ATR: variants seen among roughly 807,000 people sequenced by gnomAD.
The protein encoded by ATR is ATR checkpoint kinase.
A neutral mutation model predicts 305.3 loss-of-function variants in ATR; 142 were observed. That is an observed-to-expected ratio of 0.47 (90% CI 0.41 to 0.53). The LOEUF (loss-of-function observed/expected upper bound fraction) is 0.53. Among genes scored for constraint, ATR ranks in the 20% least tolerant of loss-of-function variants. The pLI is 0.00. For missense variants in ATR, 2,135 were observed against 3,133.1 expected, an observed-to-expected ratio of 0.68 and a Z score of 7.60; for synonymous variants, 1,050 against 1,068.1, an observed-to-expected ratio of 0.98 and a Z score of 0.33.
chr3:142,515,662 G>T, intron 24 of ATR, 147 bp from the exon 25 acceptor site: 1 of 862,780 alleles, frequency 1.2e-6, no homozygotes. Flanking sequence ...CCTTCTTAGG[G>T]GTGAAGTAGG....
chr3:142,569,863 T>TCTCA (rs1415647084), intron 1 of ATR, among the ~76,000 whole-genome samples: 7 of 152,038 alleles, frequency 4.6e-5, no homozygotes, highest in Non-Finnish European at 7.4e-5. Context: ...GCCAGGATGG[T>TCTCA]CTCAATCTCC....
rs2071133204 is a variant in ATR at position 142,466,446 on chromosome 3, G to C, written c.6775C>G (p.Leu2259Val). Residue 2259 changes from leucine (L) to valine (V), a missense_variant, in exon 40 of 47, where the codon CTC becomes GTC. Leu to Val is a conservative substitution (Grantham distance 32). This residue lies in a region of ATR where 462 missense variants were observed against 887.6 expected (regional missense o/e 0.52). Transcript: ENST00000350721. ...LVEEATFSEI[L>V]IPLQSVMIPT... ...ATCATGACTGATTGTAGAGGAATGAGGATTTCACTAAATGTTGCTTCTTCT... is the reference window on the plus strand; with the variant it reads ...ATCATGACTGATTGTAGAGGAATGACGATTTCACTAAATGTTGCTTCTTCT... The C allele has an allele frequency of 1.9e-6, 3 of 1,613,616 alleles. No individual in the cohort carries two copies. In the Admixed American group the frequency reaches 5.0e-5, roughly 27 times the overall value.
chr3:142,549,046 G>A (rs947060755), intron 15 of ATR, among the ~76,000 whole-genome samples: 1 of 113,016 alleles, frequency 8.8e-6, no homozygotes, highest in African/African-American at 3.1e-5. Context: ...AAGAAGCACA[G>A]GTTATAATTT....
intron 21 of ATR, among the ~76,000 whole-genome samples, chr3:142,530,669 G>A (rs912340528): frequency 6.6e-6 from 1 of 152,030 alleles, no homozygotes; most frequent in African/African-American, 2.4e-5. Context: ...GTTCATCTCT[G>A]ATTTTGTACA....
chr3:142,451,737 G>T, intron 46 of ATR: 1 of 1,157,478 alleles, frequency 8.6e-7, no homozygotes, highest in Non-Finnish European at 1.1e-6. Context: ...GTGCCACTGA[G>T]CCCAGCTAAT....
intron 45 of ATR, among the ~76,000 whole-genome samples, chr3:142,456,810 T>C (rs907082381): frequency 1.3e-5 from 2 of 152,108 alleles, no homozygotes; most frequent in African/African-American, 2.4e-5. Context: ...TATCTAAAGA[T>C]AGAAAAGATG....
chr3:142,454,666 C>A (rs1010200252), intron 45 of ATR, among the ~76,000 whole-genome samples: 1 of 151,994 alleles, frequency 6.6e-6, no homozygotes, highest in Admixed American at 6.5e-5. Flanking sequence ...TGGTCTTGAT[C>A]TCCTGACCTC....
chr3:142,460,848 A>G (rs1000041459), intron 42 of ATR, among the ~76,000 whole-genome samples: 3 of 152,190 alleles, frequency 2.0e-5, no homozygotes, highest in African/African-American at 7.2e-5. Context: ...GAGTTCCCAC[A>G]TATTCTTCAC....
At chr3:142,566,462 A>T (rs899402626) in intron 2 of ATR, among the ~76,000 whole-genome samples, 6 of 151,908 alleles carry the variant, frequency 3.9e-5, no homozygotes, top group Admixed American at 2.0e-4. Context: ...CTACAAAAAA[A>T]ATTTTTCTTA....
At position 142,469,120 on chromosome 3, in the gene ATR, T is replaced by C. The variant is rs936008640; in HGVS notation, c.6552+217A>G. On this transcript the variant is annotated intron_variant, in intron 38 of 46. Coordinates refer to ENST00000350721, the MANE Select transcript of ATR (RefSeq NM_001184.4). ...AGAAAACACATGCTGAATTATTTGA[T>C]CTTAAACATACTAGTTACTTCATTT... Among the ~76,000 whole-genome samples the C allele has an allele frequency of 2.6e-5, 4 of 152,322 alleles. No individual in the cohort carries two copies. The East Asian group carries it at 5.8e-4, about 22-fold the overall frequency.
intron 27 of ATR, among the ~76,000 whole-genome samples, chr3:142,509,578 A>T (rs2032441088): frequency 1.0e-5 from 1 of 96,024 alleles, no homozygotes; most frequent in Non-Finnish European, 1.9e-5. Flanking sequence ...TTTTTTGGAG[A>T]CAGGGTCTCA....
rs776649237 is a variant in ATR, at chr3:142,559,341, T to C, written c.1642A>G (p.Arg548Gly). The C allele has an allele frequency of 1.9e-6, 3 of 1,613,980 alleles. No individual in the cohort carries two copies. Among genetic ancestry groups the C allele is most frequent in the Non-Finnish European group, 1.7e-6 (2 of 1,179,870 alleles). The change falls in exon 7 of 47, where the codon AGA (arginine) becomes GGA (glycine). Residue 548 changes from arginine to glycine, a missense_variant. By Grantham distance (125) the Arg-to-Gly change is moderately radical. Transcript: ENST00000350721. ...TTCTGAACAGATTCTAACAAACTTC[T>C]ACAGCTCTTAAGCACTTTTGTGTAA... is the stretch of plus-strand genomic sequence containing the variant. ...DFYTKVLKSCRSLLESVQKLD... is the reference protein window; with the variant it reads ...DFYTKVLKSCGSLLESVQKLD...
chr3:142,526,355 T>C (rs1028904336), intron 21 of ATR, among the ~76,000 whole-genome samples: 6 of 152,268 alleles, frequency 3.9e-5, no homozygotes, highest in Admixed American at 2.0e-4. Flanking sequence ...TCTGTAAATA[T>C]AGTTTTACAT....
intron 16 of ATR, among the ~76,000 whole-genome samples, chr3:142,547,183 C>T (rs938291730): frequency 1.3e-5 from 2 of 150,560 alleles, no homozygotes; most frequent in African/African-American, 2.4e-5. Flanking sequence ...ATTTCAAATA[C>T]AAATTTATGG....
At chr3:142,478,182 A>G (rs2030052793) in intron 36 of ATR, among the ~76,000 whole-genome samples, 1 of 152,086 alleles carries the variant, frequency 6.6e-6, no homozygotes, top group Non-Finnish European at 1.5e-5. Flanking sequence ...TTGTGATGTT[A>G]GGGTGTCAAT....
At chr3:142,570,809 T>G (rs2035235454) in intron 1 of ATR, among the ~76,000 whole-genome samples, 1 of 152,220 alleles carries the variant, frequency 6.6e-6, no homozygotes, top group African/African-American at 2.4e-5. Context: ...TGCAAGGGGC[T>G]GAAAATCTAA....
intron 8 of ATR, 59 bp downstream of exon 8, chr3:142,558,549 AATAAATAAATAGATAG>A (rs2034759938): frequency 1.8e-6 from 2 of 1,083,464 alleles, no homozygotes; most frequent in African/African-American, 1.7e-5. Flanking sequence ...TAAATAAATA[AATAAATAAATAGATAG>A]ATAGATAGAT....
chr3:142,477,069 A>G (rs2029889457), intron 36 of ATR, among the ~76,000 whole-genome samples: 1 of 152,152 alleles, frequency 6.6e-6, no homozygotes, highest in African/African-American at 2.4e-5. Flanking sequence ...CTCTTTTCCT[A>G]GTTGAATGCC....
At chr3:142,464,201 C>T (rs966798462) in intron 41 of ATR, among the ~76,000 whole-genome samples, 5 of 152,142 alleles carry the variant, frequency 3.3e-5, no homozygotes, top group Non-Finnish European at 7.3e-5. Context: ...TCATAGCTCA[C>T]TGTAGCCTCA....
Sources: gnomAD v4.1 joint callset for allele counts (sites outside exome capture counted in the v4.1 genomes callset) on GRCh38, gnomAD v4.1.1 for gene constraint, gnomAD v4.1.1 regional missense constraint, MANE v1.5 for transcripts, NCBI Gene and HGNC (gene_info 2026-07-23, HGNC 2026-07-21) for gene names.